JMJD1C: variants seen among roughly 807,000 people sequenced by gnomAD.
JMJD1C encodes the protein jumonji domain containing 1C.
In JMJD1C, 31 loss-of-function variants were observed where a neutral mutation model predicts 245.3. The observed-to-expected ratio is 0.13, with a 90% CI of 0.09 to 0.17. The LOEUF (loss-of-function observed/expected upper bound fraction) is 0.17, where lower values mean the gene tolerates loss of function less well. Ranked by LOEUF, JMJD1C falls within the 10% of genes least tolerant of loss-of-function variation. The probability of loss-of-function intolerance (pLI) is 1.00; values close to 1 mark genes in which losing one functional copy is unlikely to be tolerated. For missense variants in JMJD1C, 2,691 were observed against 3,000.2 expected (o/e 0.90, Z 2.41); for synonymous variants, 1,057 against 1,017.4 (o/e 1.04, Z -0.74).
intron 1 of JMJD1C, among the ~76,000 whole-genome samples, chr10:63,519,587 T>C (rs192235337): frequency 1.7e-4 from 26 of 152,192 alleles, no homozygotes; most frequent in African/African-American, 5.1e-4. Flanking sequence ...AGATAAGAAA[T>C]AGAAATTCAA....
intron 1 of JMJD1C, among the ~76,000 whole-genome samples, chr10:63,383,607 G>C (rs1487834890): frequency 6.6e-6 from 1 of 152,016 alleles, no homozygotes; most frequent in Non-Finnish European, 1.5e-5. Context: ...GGCTAAAATG[G>C]GAGGGTTGCT....
At chr10:63,284,888 CA>C (rs1857801608) in intron 2 of JMJD1C, among the ~76,000 whole-genome samples, 1 of 139,132 alleles carries the variant, frequency 7.2e-6, no homozygotes, top group South Asian at 2.2e-4. Context: ...CACACACACA[CA>C]CACACACACA....
intron 1 of JMJD1C, among the ~76,000 whole-genome samples, chr10:63,504,265 G>A (rs887887466): frequency 5.9e-5 from 9 of 152,172 alleles, no homozygotes; most frequent in African/African-American, 2.2e-4. Flanking sequence ...CTCTAACAGA[G>A]CTCACATTCT....
At chr10:63,495,738 A>T (rs1256256595) in intron 1 of JMJD1C, among the ~76,000 whole-genome samples, 1 of 146,432 alleles carries the variant, frequency 6.8e-6, no homozygotes, top group Non-Finnish European at 1.5e-5. Context: ...AGCCTCAAAA[A>T]AAACAACTCC....
At chr10:63,249,705 C>A (rs929424964) in intron 3 of JMJD1C, among the ~76,000 whole-genome samples, 1 of 151,788 alleles carries the variant, frequency 6.6e-6, no homozygotes, top group East Asian at 1.9e-4. Context: ...CTAAAAAATA[C>A]AAAAATTAGC....
At chr10:63,243,404 T>C (rs893117055) in intron 3 of JMJD1C, among the ~76,000 whole-genome samples, 1 of 151,796 alleles carries the variant, frequency 6.6e-6, no homozygotes, top group Non-Finnish European at 1.5e-5. Context: ...TGCATGCCTG[T>C]AATCCCAGCT....
At chr10:63,286,890 A>C (rs1385628908) in intron 2 of JMJD1C, among the ~76,000 whole-genome samples, 2 of 152,226 alleles carry the variant, frequency 1.3e-5, no homozygotes, top group Middle Eastern at 3.2e-3. Flanking sequence ...TGCTTAAAAA[A>C]GATGAAGATT....
chr10:63,316,237 C>A (rs1290872462), intron 2 of JMJD1C, among the ~76,000 whole-genome samples: 2 of 152,218 alleles, frequency 1.3e-5, no homozygotes, highest in Non-Finnish European at 2.9e-5. Context: ...CATTCCACTG[C>A]ATTTGGCTTG....
intron 1 of JMJD1C, among the ~76,000 whole-genome samples, chr10:63,429,986 A>G (rs1177597041): frequency 6.6e-6 from 1 of 152,180 alleles, no homozygotes; most frequent in Non-Finnish European, 1.5e-5. Flanking sequence ...TCCCATTTCT[A>G]AATATCCAGA....
At chr10:63,183,409 A>T in intron 22 of JMJD1C, 38 bp downstream of exon 22, 1 of 1,561,374 alleles carries the variant, frequency 6.4e-7, no homozygotes, top group Non-Finnish European at 8.7e-7. Context: ...TGATTATTCA[A>T]CTCTTATTTC....
In JMJD1C at chr10:63,215,088, T is replaced by C; in HGVS notation, c.1079A>G (p.Lys360Arg). The C allele has an allele frequency of 6.3e-7, 1 of 1,594,150 alleles. No homozygotes were observed. Among genetic ancestry groups the C allele is most frequent in the Non-Finnish European group, 8.5e-7 (1 of 1,174,684 alleles). The change falls in exon 8 of 26, where the codon AAG becomes AGG. Residue 360 changes from lysine to arginine, a missense_variant. Around this residue, in one of 9 missense-constraint regions of JMJD1C, gnomAD observed 1,562 missense variants for 1,490.7 expected, o/e 1.05. Coordinates refer to ENST00000399262, the MANE Select transcript of JMJD1C (RefSeq NM_032776.3). ...TCGAAGTCTTTTCATATTTAGTTTC[T>C]TTTCATCCTCCTCAGGTTTCCTTCT... ...NKRRKPEEDE[K>R]KLNMKRLRTD...
intron 1 of JMJD1C, among the ~76,000 whole-genome samples, chr10:63,402,402 TG>T (rs1781498549): frequency 6.6e-6 from 1 of 152,182 alleles, no homozygotes; most frequent in Non-Finnish European, 1.5e-5. Flanking sequence ...AGTGAATAAA[TG>T]AAATTGTGAC....
chr10:63,385,724 G>A (rs1034843433), intron 1 of JMJD1C, among the ~76,000 whole-genome samples: 17 of 151,896 alleles, frequency 1.1e-4, no homozygotes, highest in African/African-American at 3.6e-4. Flanking sequence ...GGGATTACAG[G>A]TGCATGTCAT....
intron 1 of JMJD1C, among the ~76,000 whole-genome samples, chr10:63,443,480 T>A: frequency 6.6e-6 from 1 of 152,004 alleles, no homozygotes; most frequent in East Asian, 1.9e-4. Context: ...CCCGCTAATT[T>A]TTGTAATGGT....
intron 1 of JMJD1C, among the ~76,000 whole-genome samples, chr10:63,459,312 T>C (rs1031594658): frequency 1.3e-5 from 2 of 152,216 alleles, no homozygotes; most frequent in South Asian, 2.1e-4. Context: ...AGATAAAGAA[T>C]AGTGGACCTA....
chr10:63,197,877 C>G (rs1350645415), intron 12 of JMJD1C, among the ~76,000 whole-genome samples: 1 of 152,196 alleles, frequency 6.6e-6, no homozygotes, highest in Non-Finnish European at 1.5e-5. Context: ...TCAGAGGCAT[C>G]TGTAGCCTCT....
chr10:63,521,646 C>G, intron 1 of JMJD1C: 1 of 1,216,736 alleles, frequency 8.2e-7, no homozygotes, highest in Non-Finnish European at 1.1e-6. Flanking sequence ...GGGAAGGAGC[C>G]GAGAGGAAAG....
chr10:63,383,375 G>C (rs756412929), intron 1 of JMJD1C, among the ~76,000 whole-genome samples: 13 of 152,146 alleles, frequency 8.5e-5, no homozygotes, highest in Non-Finnish European at 1.6e-4. Flanking sequence ...TCCAAGTCAA[G>C]GAAGAAGCCA....
chr10:63,415,811 T>C (rs563174763), intron 1 of JMJD1C, among the ~76,000 whole-genome samples: 1 of 152,326 alleles, frequency 6.6e-6, no homozygotes, highest in Admixed American at 6.5e-5. Flanking sequence ...CAGAAAAAGA[T>C]ACAGTCTGGC....
Sources: allele counts gnomAD v4.1 joint callset (sites outside exome capture counted in the v4.1 genomes callset), GRCh38; gene constraint gnomAD v4.1.1; regional missense constraint gnomAD v4.1.1; transcripts MANE v1.5; gene names NCBI Gene and HGNC (gene_info 2026-07-23, HGNC 2026-07-21).